Variants in CKMT2 observed in about 807,000 individuals in gnomAD.
CKMT2 encodes creatine kinase S-type, mitochondrial.
Under a neutral mutation model 48.9 loss-of-function variants are expected in CKMT2, and 43 were observed. The ratio of observed to expected loss-of-function variants is 0.88; its 90% CI spans 0.69 to 1.13. The LOEUF is 1.13. Among genes scored for constraint, CKMT2 ranks in the 50% most tolerant of loss-of-function variants. The probability of loss-of-function intolerance (pLI) is 0.00; values close to 1 mark genes in which losing one functional copy is unlikely to be tolerated. For missense variants in CKMT2, 472 were observed against 555.4 expected, an observed-to-expected ratio of 0.85 and a Z score of 1.51; for synonymous variants, 206 against 213.0, an observed-to-expected ratio of 0.97 and a Z score of 0.29.
At chr5:81,233,446 G>T in intron 1 of CKMT2, 69 bp downstream of exon 1, 1 of 965,236 alleles carries the variant, frequency 1.0e-6, no homozygotes, top group Non-Finnish European at 1.2e-6. Context: ...AGTGTGAAGG[G>T]CCTTGGAGGA....
chr5:81,233,940 CACTAAT>C (rs916058486), intron 1 of CKMT2, among the ~76,000 whole-genome samples: 45 of 149,498 alleles, frequency 3.0e-4, no homozygotes, highest in African/African-American at 9.8e-4. Flanking sequence ...GTTTTGCCGT[CACTAAT>C]ACTAACACAT....
rs774845259 is a variant in CKMT2, at chr5:81,259,196, C to T, written c.956C>T (p.Ser319Leu). 1.9e-5 allele frequency: 31 copies of T among 1,614,000 alleles called. No homozygotes were observed. The highest frequency in any genetic ancestry group is 5.5e-5 in the South Asian group (5 of 91,044). ...ERLGYILTCP[S>L]NLGTGLRAGV... ...CTAGGATACATTTTGACCTGTCCTTCGAACCTTGGAACAGGACTACGAGCT... is the reference window on the plus strand; with the variant it reads ...CTAGGATACATTTTGACCTGTCCTTTGAACCTTGGAACAGGACTACGAGCT... The change falls in exon 8 of 10, where the codon TCG becomes TTG. Residue 319 changes from serine (S) to leucine (L), a missense_variant. By Grantham distance (145) the Ser-to-Leu change is moderately radical. Coordinates refer to ENST00000254035, the MANE Select transcript of CKMT2 (RefSeq NM_001099735.2).
At chr5:81,258,065 A>T in intron 7 of CKMT2, 2 of 411,012 alleles carry the variant, frequency 4.9e-6, no homozygotes, top group Non-Finnish European at 8.9e-6. Flanking sequence ...CACCTGGCTA[A>T]TTTTTGTATT....
intron 1 of CKMT2, chr5:81,244,314 T>C (rs902791726): frequency 5.0e-6 from 2 of 403,380 alleles, no homozygotes; most frequent in Non-Finnish European, 6.7e-6. Flanking sequence ...CTCTGTGTTC[T>C]TGGGATGAGT....
intron 1 of CKMT2, chr5:81,242,733 G>C (rs1561277526): frequency 1.2e-5 from 2 of 168,282 alleles, no homozygotes; most frequent in East Asian, 3.2e-4. Context: ...TGGCTTATAA[G>C]CAAGGGTTTT....
chr5:81,250,840 C>A, intron 1 of CKMT2: 1 of 221,018 alleles, frequency 4.5e-6, no homozygotes. Flanking sequence ...AGCATATTAA[C>A]AGAGAAAAGG....
chr5:81,264,689 C>T (rs1757333592), intron 9 of CKMT2, among the ~76,000 whole-genome samples: 1 of 152,110 alleles, frequency 6.6e-6, no homozygotes, highest in Non-Finnish European at 1.5e-5. Context: ...TACTGGAAAA[C>T]AATGTAGTTA....
intron 6 of CKMT2, among the ~76,000 whole-genome samples, chr5:81,257,345 A>C (rs969937638): frequency 7.2e-5 from 11 of 152,168 alleles, no homozygotes; most frequent in Non-Finnish European, 1.6e-4. Context: ...TGTACCTTCA[A>C]CATCTTGGGT....
intron 1 of CKMT2, among the ~76,000 whole-genome samples, chr5:81,235,575 G>C (rs1345338097): frequency 6.6e-6 from 1 of 152,202 alleles, no homozygotes. Flanking sequence ...GGTCCATCCG[G>C]GATGCCCAGG....
Position 81,234,445 on chromosome 5 carries a change from T to C in CKMT2, c.-21+1068T>C, listed in dbSNP as rs552537560. On this transcript the variant is annotated intron_variant, in intron 1 of 9. Coordinates refer to ENST00000254035, the MANE Select transcript of CKMT2 (RefSeq NM_001099735.2). ...ACTCGTGTCCTTGGTCTGTTCTCTC[T>C]GTCCTCTCATAGAGGCGAGCATGGC... Among the ~76,000 whole-genome samples, 4 of 152,298 alleles carry C rather than the reference T, an allele frequency of 2.6e-5. No homozygotes were observed. In the East Asian group the frequency reaches 7.7e-4, roughly 29 times the overall value.
chr5:81,242,345 G>C (rs1203907460), intron 1 of CKMT2: 1 of 405,800 alleles, frequency 2.5e-6, no homozygotes, highest in East Asian at 6.3e-5. Context: ...TCTTGCATTT[G>C]AAGTACTCTT....
chr5:81,263,714 A>T, intron 9 of CKMT2, 98 bp downstream of exon 9: 1 of 1,166,460 alleles, frequency 8.6e-7, no homozygotes, highest in Non-Finnish European at 1.2e-6. Flanking sequence ...AAAATTCGAG[A>T]CCTCCTCTTC....
At chr5:81,251,392 C>A (rs1191718005) in intron 2 of CKMT2, 108 bp downstream of exon 2, 11 of 1,174,770 alleles carry the variant, frequency 9.4e-6, no homozygotes, top group East Asian at 4.9e-5. Flanking sequence ...TCGAGACCAT[C>A]CTGGCCAACA....
chr5:81,261,304 T>G (rs1046641040), intron 8 of CKMT2, among the ~76,000 whole-genome samples: 1 of 152,232 alleles, frequency 6.6e-6, no homozygotes, highest in African/African-American at 2.4e-5. Flanking sequence ...AAGACAGGGA[T>G]GCCCTCTCCC....
rs539763011 is a variant in CKMT2 at position 81,254,814 on chromosome 5, A to G, written c.448-179A>G. 8 of 625,578 alleles carry G rather than the reference A, an allele frequency of 1.3e-5. No homozygotes were observed. The South Asian group carries it at 1.5e-4, about 12-fold the overall frequency. The allele number at this position is 625,578 out of a possible 1,614,324, so 38.8% of individuals were successfully genotyped here. A position where few individuals can be genotyped will look rare whatever the true frequency, so the allele number is the denominator to read the frequency against. On this transcript the variant is annotated intron_variant, in intron 4 of 9. Coordinates refer to ENST00000254035, the MANE Select transcript of CKMT2 (RefSeq NM_001099735.2). ...GCTATATAAAACAGCTTTCCCCTTTACTAGTCGAAGGTCCGTGCCCCAAGA... is the reference window on the plus strand; with the variant it reads ...GCTATATAAAACAGCTTTCCCCTTTGCTAGTCGAAGGTCCGTGCCCCAAGA...
chr5:81,251,518 G>A (rs1174917987), intron 2 of CKMT2, among the ~76,000 whole-genome samples: 1 of 152,142 alleles, frequency 6.6e-6, no homozygotes, highest in African/African-American at 2.4e-5. Flanking sequence ...AACCTGGGAG[G>A]CGGAGGTTGT....
rs1757070033 is a variant in CKMT2 at position 81,257,840 on chromosome 5, G to C, written c.863G>C (p.Cys288Ser). The change falls in exon 7 of 10, where the codon TGT becomes TCT. Residue 288 changes from cysteine (C) to serine (S), a missense_variant. Transcript: ENST00000254035. ...GNMKRVFERF[C>S]RGLKEVERLI... ...ATGAAACGAGTATTTGAGCGATTCT[G>C]TCGTGGACTAAAAGAAGTAAGATGT... The C allele has an allele frequency of 6.2e-7, 1 of 1,613,290 alleles. No individual in the cohort carries two copies. The highest frequency in any genetic ancestry group is 8.5e-7 in the Non-Finnish European group (1 of 1,179,524).
chr5:81,241,406 C>T (rs997406093), intron 1 of CKMT2, among the ~76,000 whole-genome samples: 1 of 152,152 alleles, frequency 6.6e-6, no homozygotes, highest in Non-Finnish European at 1.5e-5. Flanking sequence ...AGGCTCCAGT[C>T]GATTTTACAA....
intron 8 of CKMT2, among the ~76,000 whole-genome samples, chr5:81,261,163 G>T (rs1757210297): frequency 6.6e-6 from 1 of 150,832 alleles, no homozygotes; most frequent in Non-Finnish European, 1.5e-5. Context: ...ACAAAATTCA[G>T]CAGCCCTTCA....
Sources: allele counts gnomAD v4.1 joint callset (sites outside exome capture counted in the v4.1 genomes callset), GRCh38; gene constraint gnomAD v4.1.1; transcripts MANE v1.5; gene names NCBI Gene and HGNC (gene_info 2026-07-23, HGNC 2026-07-21).